The following PAK3 variants were observed in gnomAD, a reference collection of about 807,000 sequenced individuals.
The protein encoded by PAK3 is p21 (RAC1) activated kinase 3.
A neutral mutation model predicts 41.0 loss-of-function variants in PAK3; 4 were observed. That is an observed-to-expected ratio of 0.10 (90% confidence interval 0.05 to 0.22). PAK3 has a LOEUF of 0.22. PAK3 is among the 10% of genes least tolerant of loss of function. PAK3 has a pLI of 1.00. For missense variants in PAK3, 205 were observed against 409.9 expected, an observed-to-expected ratio of 0.50 and a Z score of 4.32; for synonymous variants, 146 against 139.6, an observed-to-expected ratio of 1.05 and a Z score of -0.32.
chrX:111,092,734 A>C (rs1704339065), upstream of PAK3, among the ~76,000 whole-genome samples: 1 of 112,189 alleles, frequency 8.9e-6, no homozygotes, highest in Admixed American at 9.4e-5. Context: ...AAAGTGGCTA[A>C]AAAAACAACA....
intron 1 of PAK3, among the ~76,000 whole-genome samples, chrX:111,085,843 GTCAA>G (rs1189067389): frequency 8.9e-6 from 1 of 111,974 alleles, no homozygotes; most frequent in African/African-American, 3.2e-5. Context: ...CAGCAAAGAA[GTCAA>G]TCAGATTGTC....
chrX:111,067,367 G>A (rs1040498079), intron 1 of PAK3, among the ~76,000 whole-genome samples: 5 of 111,456 alleles, frequency 4.5e-5, no homozygotes, highest in South Asian at 3.7e-4. Context: ...ACTATGAGGA[G>A]TGTACTATTA....
At chrX:111,056,921 A>G (rs904062845) in intron 1 of PAK3, among the ~76,000 whole-genome samples, 1 of 111,853 alleles carries the variant, frequency 8.9e-6, no homozygotes, top group Non-Finnish European at 1.9e-5. Flanking sequence ...TTTTACTTTA[A>G]TAGATACTGC....
intron 1 of PAK3, among the ~76,000 whole-genome samples, chrX:111,017,071 G>T (rs1424431270): frequency 4.5e-5 from 5 of 110,790 alleles, no homozygotes; most frequent in Non-Finnish European, 7.6e-5. Context: ...ATGGAACACG[G>T]TGAAAGCAGT....
chrX:111,209,623 T>C (rs932047333), intron 16 of PAK3, among the ~76,000 whole-genome samples: 3 of 112,226 alleles, frequency 2.7e-5, no homozygotes, highest in African/African-American at 9.7e-5. Context: ...ATGTTTGTAC[T>C]GCACCCTATC....
At chrX:111,093,186 A>G (rs915694251), upstream of PAK3, among the ~76,000 whole-genome samples, 2 of 112,042 alleles carry the variant, frequency 1.8e-5, no homozygotes, top group African/African-American at 6.5e-5. Flanking sequence ...TAGAACTGAG[A>G]ATTGGAGACC....
chrX:110,965,296 A>G (rs1247557033), intron 1 of PAK3, among the ~76,000 whole-genome samples: 1 of 111,970 alleles, frequency 8.9e-6, no homozygotes, highest in Non-Finnish European at 1.9e-5. Flanking sequence ...TGAGAGTCAG[A>G]AAGTTTGGGG....
intron 1 of PAK3, among the ~76,000 whole-genome samples, chrX:111,042,874 T>C (rs1395631201): frequency 8.9e-6 from 1 of 112,141 alleles, no homozygotes; most frequent in African/African-American, 3.2e-5. Flanking sequence ...TTTCCCCTCA[T>C]GTTCTGATTT....
intron 16 of PAK3, among the ~76,000 whole-genome samples, chrX:111,204,537 T>A (rs1166945551): frequency 8.9e-6 from 1 of 111,757 alleles, no homozygotes; most frequent in African/African-American, 3.2e-5. Context: ...GCTTTTGAAA[T>A]CTGTGTTTTT....
intron 1 of PAK3, among the ~76,000 whole-genome samples, chrX:110,996,868 A>C (rs2091748999): frequency 8.9e-6 from 1 of 112,073 alleles, no homozygotes. Context: ...TGGCAGTCCA[A>C]GCACATTAAG....
chrX:111,020,809 G>T (rs2092166562), intron 1 of PAK3, among the ~76,000 whole-genome samples: 1 of 111,302 alleles, frequency 9.0e-6, no homozygotes, highest in Admixed American at 9.5e-5. Flanking sequence ...TGCTGTTGTG[G>T]GGGTATGGTG....
intron 5 of PAK3, among the ~76,000 whole-genome samples, chrX:111,130,680 G>C (rs2093704961): frequency 1.8e-5 from 2 of 111,931 alleles, no homozygotes; most frequent in African/African-American, 6.5e-5. Flanking sequence ...AGATGGCCCA[G>C]TTTAATCCTC....
chrX:111,169,327 G>A, intron 10 of PAK3: 1 of 177,463 alleles, frequency 5.6e-6, no homozygotes, highest in Non-Finnish European at 1.1e-5. Flanking sequence ...GAACCAGGAA[G>A]ATCTGTGGAA....
At chrX:110,984,908 C>T (rs143493050) in intron 1 of PAK3, among the ~76,000 whole-genome samples, 3 of 109,778 alleles carry the variant, frequency 2.7e-5, no homozygotes, top group African/African-American at 6.6e-5. Context: ...GCGGGCAAAT[C>T]GCTTGAGCCC....
At chrX:111,150,012 C>A (rs1236007060) in intron 7 of PAK3, among the ~76,000 whole-genome samples, 1 of 112,477 alleles carries the variant, frequency 8.9e-6, no homozygotes, top group African/African-American at 3.2e-5. Flanking sequence ...ACTCAAGTTA[C>A]TTCTTGAATG....
chrX:110,958,339 T>C (rs2090908746), intron 1 of PAK3, among the ~76,000 whole-genome samples: 1 of 111,282 alleles, frequency 9.0e-6, no homozygotes, highest in Non-Finnish European at 1.9e-5. Flanking sequence ...CAGGGTAATG[T>C]AATTCATAGT....
chrX:111,198,617 TC>T (rs1481772242), intron 16 of PAK3, among the ~76,000 whole-genome samples: 3 of 111,800 alleles, frequency 2.7e-5, no homozygotes, highest in Non-Finnish European at 5.6e-5. Context: ...GTTGACTTTG[TC>T]AAAAATCAGG....
intron 7 of PAK3, among the ~76,000 whole-genome samples, chrX:111,150,013 T>C (rs941441377): frequency 8.9e-6 from 1 of 112,560 alleles, no homozygotes; most frequent in African/African-American, 3.2e-5. Flanking sequence ...CTCAAGTTAC[T>C]TCTTGAATGC....
chrX:111,113,387 G>A (rs1267159937), intron 4 of PAK3, among the ~76,000 whole-genome samples: 2 of 111,007 alleles, frequency 1.8e-5, no homozygotes, highest in African/African-American at 6.6e-5. Flanking sequence ...ATAATACCTA[G>A]TATATATGAA....
Sources: allele counts gnomAD v4.1 joint callset (sites outside exome capture counted in the v4.1 genomes callset), GRCh38; gene constraint gnomAD v4.1.1; transcripts MANE v1.5; gene names NCBI Gene and HGNC (gene_info 2026-07-23, HGNC 2026-07-21).